Variants in AP4S1 observed in about 807,000 individuals in gnomAD.
AP4S1 encodes AP-4 complex subunit sigma-1.
Under a neutral mutation model 19.8 loss-of-function variants are expected in AP4S1, and 23 were observed. The ratio of observed to expected loss-of-function variants is 1.16; its 90% CI spans 0.84 to 1.65. The LOEUF is 1.65. AP4S1 is among the 40% of genes most tolerant of loss of function. The pLI is 0.00. For missense variants in AP4S1, 166 were observed against 172.8 expected, an observed-to-expected ratio of 0.96 and a Z score of 0.22; for synonymous variants, 46 against 54.1, an observed-to-expected ratio of 0.85 and a Z score of 0.66.
chr14:31,070,490 T>C (rs1192706797), intron 3 of AP4S1, among the ~76,000 whole-genome samples: 1 of 151,222 alleles, frequency 6.6e-6, no homozygotes, highest in Non-Finnish European at 1.5e-5. Flanking sequence ...TCAAGCGATC[T>C]TCCTGGCTTA....
chr14:31,086,365 C>A (rs1419363907), intron 5 of AP4S1: 2 of 152,196 alleles, frequency 1.3e-5, no homozygotes, highest in Non-Finnish European at 2.9e-5. Flanking sequence ...AAAAGAATTT[C>A]TTCCGAGGTA....
chr14:31,059,653 C>T (rs762557464), intron 1 of AP4S1, among the ~76,000 whole-genome samples: 2 of 152,140 alleles, frequency 1.3e-5, no homozygotes, highest in Non-Finnish European at 2.9e-5. Context: ...ATAAAAGCAG[C>T]AGTTAATACC....
intron 1 of AP4S1, among the ~76,000 whole-genome samples, chr14:31,027,953 A>G (rs774060905): frequency 1.4e-4 from 22 of 152,198 alleles, no homozygotes; most frequent in African/African-American, 1.7e-4. Context: ...GCAAAAGCCA[A>G]TAAAACTTGT....
chr14:31,067,310 A>G (rs1421805150), intron 2 of AP4S1, among the ~76,000 whole-genome samples: 1 of 150,844 alleles, frequency 6.6e-6, no homozygotes, highest in Non-Finnish European at 1.5e-5. Flanking sequence ...TCTAGGGTAC[A>G]TGTGGACAAC....
At chr14:31,086,901 C>G (rs1887933668) in intron 5 of AP4S1, among the ~76,000 whole-genome samples, 1 of 151,914 alleles carries the variant, frequency 6.6e-6, no homozygotes, top group Non-Finnish European at 1.5e-5. Context: ...CTCTGTTGCC[C>G]AGGCTTGAGT....
intron 1 of AP4S1, among the ~76,000 whole-genome samples, chr14:31,059,963 A>ATATATT (rs1886331150): frequency 6.9e-6 from 1 of 145,018 alleles, no homozygotes; most frequent in African/African-American, 2.5e-5. Context: ...ATTTATGTAT[A>ATATATT]TATATGTATT....
At chr14:31,028,133 T>C (rs1884150888) in intron 1 of AP4S1, among the ~76,000 whole-genome samples, 1 of 152,170 alleles carries the variant, frequency 6.6e-6, no homozygotes, top group East Asian at 1.9e-4. Context: ...AGATCTTAGA[T>C]TGCAGTACTA....
At chr14:31,089,163 CAA>C (rs34280899) in intron 5 of AP4S1, among the ~76,000 whole-genome samples, 78 of 105,856 alleles carry the variant, frequency 7.4e-4, no homozygotes, top group South Asian at 1.5e-3. Context: ...TTGTCTTAAC[CAA>C]AAAAAAAAAA....
At chr14:31,039,804 T>A (rs2139444792) in intron 1 of AP4S1, among the ~76,000 whole-genome samples, 1 of 151,152 alleles carries the variant, frequency 6.6e-6, no homozygotes, top group Non-Finnish European at 1.5e-5. Context: ...TTAGCCAGGA[T>A]GGTCTCGATC....
In AP4S1 at chr14:31,066,282, C is replaced by G. The variant is rs557132648; in HGVS notation, c.86C>G (p.Thr29Arg). 1.9e-6 allele frequency: 3 copies of G among 1,613,894 alleles called. No individual in the cohort carries two copies. The highest frequency in any genetic ancestry group is 3.3e-5 in the Admixed American group (2 of 60,022). Residue 29 changes from threonine (T) to arginine (R), a missense_variant, in exon 2 of 6, where the codon ACA becomes AGA. Coordinates refer to ENST00000542754, the MANE Select transcript of AP4S1 (RefSeq NM_001128126.3). ...GAACATGTGGATATTAATAAGCGTA[C>G]ACTTCTGGAAACAGAAGTCATAAAG... ...YYEHVDINKR[T>R]LLETEVIKSC...
At chr14:31,085,084 A>G (rs1238922632) in intron 5 of AP4S1, 1 of 1,399,384 alleles carries the variant, frequency 7.1e-7, no homozygotes, top group African/African-American at 1.4e-5. Flanking sequence ...AGGCCTGGAC[A>G]GCCAGGGGCT....
rs974606658 is a variant in AP4S1, at chr14:31,071,380, A to G, written c.225+1451A>G. On this transcript the variant is annotated intron_variant, in intron 3 of 5. Transcript: ENST00000542754. Reference sequence around the variant, plus strand: ...TAAGAACTCTAAGTGCTAGACACTAAGATTTTAATCTGGCTAGATTCATCA... The same window carrying G: ...TAAGAACTCTAAGTGCTAGACACTAGGATTTTAATCTGGCTAGATTCATCA... Among the ~76,000 whole-genome samples the G allele has an allele frequency of 5.3e-5, 8 of 152,186 alleles. No homozygotes were observed. The East Asian group carries it at 1.3e-3, about 26-fold the overall frequency.
At chr14:31,032,083 A>G (rs1884427111) in intron 1 of AP4S1, among the ~76,000 whole-genome samples, 2 of 151,472 alleles carry the variant, frequency 1.3e-5, no homozygotes, top group African/African-American at 2.4e-5. Context: ...AAAAAAAAAA[A>G]AAAAAAAAGA....
chr14:31,036,425 A>G (rs781483800), intron 1 of AP4S1, among the ~76,000 whole-genome samples: 108 of 152,260 alleles, frequency 7.1e-4, no homozygotes, highest in Admixed American at 3.1e-3. Context: ...TCTTGGCAAA[A>G]AAATGCTTAT....
At chr14:31,080,287 A>G (rs1356434319) in intron 4 of AP4S1, among the ~76,000 whole-genome samples, 2 of 152,250 alleles carry the variant, frequency 1.3e-5, no homozygotes, top group African/African-American at 4.8e-5. Context: ...ACACATATCA[A>G]ATTACCTACA....
intron 5 of AP4S1, chr14:31,086,560 T>G (rs1405113076): frequency 6.6e-6 from 1 of 152,146 alleles, no homozygotes; most frequent in Non-Finnish European, 1.5e-5. Context: ...ATTACAGGCA[T>G]GCACCACCGC....
intron 3 of AP4S1, among the ~76,000 whole-genome samples, chr14:31,070,662 C>T (rs1886949596): frequency 6.6e-6 from 1 of 152,172 alleles, no homozygotes; most frequent in South Asian, 2.1e-4. Flanking sequence ...CCACAGAATG[C>T]CTTTTTCTGT....
intron 5 of AP4S1, among the ~76,000 whole-genome samples, chr14:31,089,397 A>G (rs1167415810): frequency 2.0e-5 from 3 of 152,196 alleles, no homozygotes; most frequent in African/African-American, 7.2e-5. Context: ...CTTAGCTAGA[A>G]TATTTTTTAA....
At chr14:31,060,657 G>C (rs1191613483) in intron 1 of AP4S1, among the ~76,000 whole-genome samples, 1 of 152,182 alleles carries the variant, frequency 6.6e-6, no homozygotes, top group Non-Finnish European at 1.5e-5. Flanking sequence ...GCTGGTTTCA[G>C]CTTGACTTAG....
Sources: gnomAD v4.1 joint callset for allele counts (sites outside exome capture counted in the v4.1 genomes callset) on GRCh38, gnomAD v4.1.1 for gene constraint, MANE v1.5 for transcripts, NCBI Gene and HGNC (gene_info 2026-07-23, HGNC 2026-07-21) for gene names.